The following CADM2 variants were observed in gnomAD, a reference collection of about 807,000 sequenced individuals.
The protein encoded by CADM2 is immunoglobulin superfamily member 4D.
CADM2 carries 12 observed loss-of-function variants against 49.8 expected under a neutral mutation model. The ratio of observed to expected loss-of-function variants is 0.24; its 90% confidence interval spans 0.15 to 0.39. The LOEUF is 0.39. CADM2 is among the 10% of genes least tolerant of loss of function. The pLI, the probability that CADM2 is intolerant of heterozygous loss-of-function variation, is 1.00. For missense variants in CADM2, 378 were observed against 492.3 expected, an observed-to-expected ratio of 0.77 and a Z score of 2.20; for synonymous variants, 214 against 175.4, an observed-to-expected ratio of 1.22 and a Z score of -1.74.
chr3:85,748,684 G>A (rs948875871), intron 2 of CADM2, among the ~76,000 whole-genome samples: 1 of 152,036 alleles, frequency 6.6e-6, no homozygotes, highest in South Asian at 2.1e-4. Flanking sequence ...ATTTAGGGGG[G>A]TTTCCTTTAT....
At chr3:85,329,086 T>C (rs1365982157) in intron 1 of CADM2, among the ~76,000 whole-genome samples, 4 of 152,008 alleles carry the variant, frequency 2.6e-5, no homozygotes, top group East Asian at 1.9e-4. Flanking sequence ...AATAAATGTA[T>C]AGGGAGATAA....
chr3:86,036,190 C>A (rs1735132919), intron 8 of CADM2, among the ~76,000 whole-genome samples: 1 of 152,070 alleles, frequency 6.6e-6, no homozygotes, highest in African/African-American at 2.4e-5. Flanking sequence ...TATATTAAGT[C>A]TATGCCCACA....
intron 1 of CADM2, among the ~76,000 whole-genome samples, chr3:85,700,724 A>G (rs2066727874): frequency 6.6e-6 from 1 of 152,206 alleles, no homozygotes; most frequent in Non-Finnish European, 1.5e-5. Flanking sequence ...TCCAGTTCCA[A>G]ATAAGTTCCT....
chr3:85,854,694 G>C (rs1213840727), intron 3 of CADM2, among the ~76,000 whole-genome samples: 1 of 151,850 alleles, frequency 6.6e-6, no homozygotes, highest in African/African-American at 2.4e-5. Flanking sequence ...CGAGTTGATG[G>C]GTGCAGCAAA....
intron 1 of CADM2, among the ~76,000 whole-genome samples, chr3:85,483,073 C>A (rs1353481063): frequency 6.6e-6 from 1 of 151,244 alleles, no homozygotes; most frequent in Non-Finnish European, 1.5e-5. Flanking sequence ...ATAACTTGGC[C>A]AAAATATTAA....
intron 1 of CADM2, among the ~76,000 whole-genome samples, chr3:85,138,637 G>T (rs1303862017): frequency 6.6e-6 from 1 of 152,038 alleles, no homozygotes; most frequent in Non-Finnish European, 1.5e-5. Flanking sequence ...AAAAATTGGG[G>T]TGTCATTAGT....
At chr3:84,985,549 T>G (rs2032501563) in intron 1 of CADM2, among the ~76,000 whole-genome samples, 2 of 150,732 alleles carry the variant, frequency 1.3e-5, no homozygotes, top group South Asian at 4.2e-4. Flanking sequence ...TAATCATGGC[T>G]TATTAATAAT....
At chr3:85,607,500 A>G (rs538158551) in intron 1 of CADM2, among the ~76,000 whole-genome samples, 1 of 152,256 alleles carries the variant, frequency 6.6e-6, no homozygotes, top group South Asian at 2.1e-4. Flanking sequence ...TAAAATAACT[A>G]AAGAGTGGAA....
rs1727054691 is a variant in CADM2 at position 85,978,407 on chromosome 3, G to C, written c.970+16760G>C. On this transcript the variant is annotated intron_variant, in intron 8 of 9. Coordinates refer to ENST00000383699, the MANE Select transcript of CADM2 (RefSeq NM_001167675.2). ...GTTCAATGTTACACTTCAAGTATAT[G>C]TTCAGTAACCCCTCCTAGGTATGCC... Among the ~76,000 whole-genome samples the C allele has an allele frequency of 3.3e-5, 5 of 151,536 alleles. No homozygotes were observed. The South Asian group carries it at 8.3e-4, about 25-fold the overall frequency.
intron 1 of CADM2, among the ~76,000 whole-genome samples, chr3:85,029,760 T>C (rs1056829944): frequency 1.6e-4 from 25 of 152,230 alleles, no homozygotes; most frequent in African/African-American, 4.6e-4. Context: ...TACAAACTCT[T>C]GGTACTTTGC....
At chr3:85,370,295 G>A (rs1332059504) in intron 1 of CADM2, among the ~76,000 whole-genome samples, 1 of 150,634 alleles carries the variant, frequency 6.6e-6, no homozygotes, top group Non-Finnish European at 1.5e-5. Flanking sequence ...TGGCGGGGGC[G>A]CCTGTAATCC....
chr3:85,907,092 C>T (rs928011683), intron 5 of CADM2, among the ~76,000 whole-genome samples: 4 of 152,074 alleles, frequency 2.6e-5, no homozygotes, highest in South Asian at 2.1e-4. Context: ...CCACTGAGTT[C>T]GTTCACTCCT....
intron 1 of CADM2, among the ~76,000 whole-genome samples, chr3:85,656,212 AT>A (rs2107596263): frequency 6.6e-6 from 1 of 152,202 alleles, no homozygotes; most frequent in African/African-American, 2.4e-5. Context: ...TAGTATGAAC[AT>A]TTTTGATAGT....
intron 8 of CADM2, among the ~76,000 whole-genome samples, chr3:86,051,738 GGAA>G (rs1341538377): frequency 6.6e-6 from 1 of 152,082 alleles, no homozygotes; most frequent in Non-Finnish European, 1.5e-5. Context: ...AGGTGCAGGA[GGAA>G]GAGAGAGCCG....
intron 1 of CADM2, among the ~76,000 whole-genome samples, chr3:85,434,991 C>T (rs1419889449): frequency 6.6e-6 from 1 of 151,990 alleles, no homozygotes; most frequent in African/African-American, 2.4e-5. Context: ...AAATCATTTA[C>T]ATGTCTTGAT....
intron 1 of CADM2, among the ~76,000 whole-genome samples, chr3:85,351,557 G>T (rs1576399289): frequency 6.6e-6 from 1 of 152,142 alleles, no homozygotes; most frequent in Middle Eastern, 3.4e-3. Flanking sequence ...AATTTGATCT[G>T]GGAACACTCA....
At chr3:85,439,876 C>T (rs2037118027) in intron 1 of CADM2, among the ~76,000 whole-genome samples, 1 of 152,170 alleles carries the variant, frequency 6.6e-6, no homozygotes, top group Admixed American at 6.5e-5. Context: ...GACTCAAAAA[C>T]ATCTTCCTAC....
intron 1 of CADM2, among the ~76,000 whole-genome samples, chr3:85,604,885 A>G (rs895489505): frequency 6.6e-6 from 1 of 151,932 alleles, no homozygotes; most frequent in Non-Finnish European, 1.5e-5. Context: ...ATATCATCAT[A>G]TAATAGATGG....
At chr3:86,059,971 C>CT (rs1738422612) in intron 8 of CADM2, among the ~76,000 whole-genome samples, 1 of 152,008 alleles carries the variant, frequency 6.6e-6, no homozygotes, top group Non-Finnish European at 1.5e-5. Context: ...TCCATATTAT[C>CT]TTTAAAACCT....
Sources: allele counts gnomAD v4.1 joint callset (sites outside exome capture counted in the v4.1 genomes callset), GRCh38; gene constraint gnomAD v4.1.1; transcripts MANE v1.5; gene names NCBI Gene and HGNC (gene_info 2026-07-23, HGNC 2026-07-21).